FAT3: variants seen among roughly 807,000 people sequenced by gnomAD.
The protein encoded by FAT3 is protocadherin Fat 3.
FAT3 carries 95 observed loss-of-function variants against 310.2 expected under a neutral mutation model. That is an observed-to-expected ratio of 0.31 (90% CI 0.26 to 0.36). FAT3 has a LOEUF of 0.36. Among genes scored for constraint, FAT3 ranks in the 10% least tolerant of loss-of-function variants. The pLI is 1.00. For missense variants in FAT3, 5,408 were observed against 5,715.6 expected, an observed-to-expected ratio of 0.95 and a Z score of 1.74; for synonymous variants, 2,314 against 2,192.9, an observed-to-expected ratio of 1.06 and a Z score of -1.54.
At chr11:92,670,149 G>A (rs112480478) in intron 3 of FAT3, among the ~76,000 whole-genome samples, 1 of 152,104 alleles carries the variant, frequency 6.6e-6, no homozygotes, top group South Asian at 2.1e-4. Context: ...GCTGCTGCCC[G>A]GAGATGGCTG....
chr11:92,816,748 G>A (rs1477618260), intron 13 of FAT3, among the ~76,000 whole-genome samples: 6 of 152,142 alleles, frequency 3.9e-5, no homozygotes, highest in Non-Finnish European at 7.3e-5. Context: ...GGCGGAGGCG[G>A]GCAGATCACT....
At chr11:92,408,768 G>A (rs1214070708) in intron 2 of FAT3, among the ~76,000 whole-genome samples, 1 of 152,164 alleles carries the variant, frequency 6.6e-6, no homozygotes, top group African/African-American at 2.4e-5. Flanking sequence ...TGGTGATGTT[G>A]AGAAAATGAG....
intron 3 of FAT3, among the ~76,000 whole-genome samples, chr11:92,610,667 T>G (rs1940520399): frequency 6.6e-6 from 1 of 152,220 alleles, no homozygotes; most frequent in Non-Finnish European, 1.5e-5. Flanking sequence ...CCTTTTTATA[T>G]GATCCCAAAG....
chr11:92,581,932 TAAGA>T (rs1243332423), intron 3 of FAT3, among the ~76,000 whole-genome samples: 1 of 152,042 alleles, frequency 6.6e-6, no homozygotes, highest in African/African-American at 2.4e-5. Context: ...GCAAGTTTAT[TAAGA>T]AAGCAAAGGA....
chr11:92,714,255 T>C (rs1261516409), intron 4 of FAT3, among the ~76,000 whole-genome samples: 1 of 152,202 alleles, frequency 6.6e-6, no homozygotes, highest in East Asian at 1.9e-4. Flanking sequence ...ATGTTCTGCC[T>C]ACTAGGTGCA....
chr11:92,280,423 G>T (rs1178166034), intron 1 of FAT3, among the ~76,000 whole-genome samples: 1 of 152,188 alleles, frequency 6.6e-6, no homozygotes, highest in East Asian at 1.9e-4. Context: ...AAATACAGCA[G>T]TAAGTAATTA....
At chr11:92,732,920 A>C (rs539297816) in intron 4 of FAT3, among the ~76,000 whole-genome samples, 6 of 152,310 alleles carry the variant, frequency 3.9e-5, no homozygotes, top group African/African-American at 1.4e-4. Context: ...TGGAAAGGTG[A>C]TAAAGGACCA....
rs186781434 is a variant in FAT3, at chr11:92,736,550, C to G, written c.3670-25306C>G. Among the ~76,000 whole-genome samples the G allele has an allele frequency of 1.7e-3, 254 of 152,248 alleles. 1 individual carries two copies. The highest frequency in any genetic ancestry group is 5.7e-3 in the African/African-American group (238 of 41,572). ...GCAATTGACCCTTGAGGTGTCTGAT[C>G]AGACCCACACAAGACTGCTAGGAAA... On this transcript the variant is annotated intron_variant, in intron 4 of 27. Transcript: ENST00000525166.
At chr11:92,410,889 A>G (rs933143453) in intron 2 of FAT3, among the ~76,000 whole-genome samples, 2 of 151,794 alleles carry the variant, frequency 1.3e-5, no homozygotes, top group African/African-American at 2.4e-5. Context: ...ATAAGGAAAA[A>G]TAAACCTTAT....
At chr11:92,880,013 C>T (rs1373560451) in intron 22 of FAT3, among the ~76,000 whole-genome samples, 1 of 151,828 alleles carries the variant, frequency 6.6e-6, no homozygotes, top group Non-Finnish European at 1.5e-5. Context: ...TCCCTTCCAT[C>T]TCAAGAGATA....
At chr11:92,240,958 T>C (rs1864651030) in intron 1 of FAT3, among the ~76,000 whole-genome samples, 2 of 151,950 alleles carry the variant, frequency 1.3e-5, no homozygotes, top group Middle Eastern at 3.4e-3. Context: ...GCCACATTGC[T>C]GGAATCATTT....
intron 2 of FAT3, among the ~76,000 whole-genome samples, chr11:92,432,180 G>A: frequency 6.6e-6 from 1 of 152,150 alleles, no homozygotes; most frequent in African/African-American, 2.4e-5. Flanking sequence ...TCGTTGAGCA[G>A]TGGTTTGTAG....
intron 1 of FAT3, among the ~76,000 whole-genome samples, chr11:92,261,360 G>A (rs1189794405): frequency 6.6e-6 from 1 of 152,028 alleles, no homozygotes; most frequent in Non-Finnish European, 1.5e-5. Context: ...TAGAGTATGT[G>A]ACTGACATGC....
chr11:92,580,465 T>C (rs1938729087), intron 3 of FAT3, among the ~76,000 whole-genome samples: 1 of 152,104 alleles, frequency 6.6e-6, no homozygotes, highest in Non-Finnish European at 1.5e-5. Context: ...GGTAAGATAG[T>C]TTCCCACCTG....
At chr11:92,484,932 T>G (rs1952332779) in intron 2 of FAT3, among the ~76,000 whole-genome samples, 1 of 152,228 alleles carries the variant, frequency 6.6e-6, no homozygotes, top group African/African-American at 2.4e-5. Flanking sequence ...TTTGGAAATG[T>G]GTGCATTCTC....
intron 19 of FAT3, among the ~76,000 whole-genome samples, chr11:92,854,014 C>T (rs942554950): frequency 2.6e-5 from 4 of 152,122 alleles, no homozygotes; most frequent in Non-Finnish European, 5.9e-5. Flanking sequence ...TGTCATCCAC[C>T]GTATCCAGGC....
intron 1 of FAT3, among the ~76,000 whole-genome samples, chr11:92,313,242 A>C (rs6483173): frequency 0.14 from 20,725 of 152,118 alleles, 2,775 homozygotes; most frequent in African/African-American, 0.35. Context: ...ACATAGGAAA[A>C]CCAAAAATGC....
At chr11:92,753,657 G>A (rs1424065717) in intron 4 of FAT3, among the ~76,000 whole-genome samples, 1 of 151,914 alleles carries the variant, frequency 6.6e-6, no homozygotes, top group African/African-American at 2.4e-5. Flanking sequence ...TAGTATGGAG[G>A]TTCCTCAAAA....
At chr11:92,752,253 A>G (rs971477417) in intron 4 of FAT3, among the ~76,000 whole-genome samples, 1 of 152,262 alleles carries the variant, frequency 6.6e-6, no homozygotes, top group Non-Finnish European at 1.5e-5. Flanking sequence ...CCCTTGGGCT[A>G]TAGTTTGCTG....
Sources: allele counts gnomAD v4.1 joint callset (sites outside exome capture counted in the v4.1 genomes callset), GRCh38; gene constraint gnomAD v4.1.1; transcripts MANE v1.5; gene names NCBI Gene and HGNC (gene_info 2026-07-23, HGNC 2026-07-21).